The following ANKRD17 variants were observed in gnomAD, a reference collection of about 807,000 sequenced individuals.
ANKRD17 encodes ankyrin repeat domain 17.
ANKRD17 carries 19 observed loss-of-function variants against 229.7 expected under a neutral mutation model. That is an observed-to-expected ratio of 0.08 (90% confidence interval 0.06 to 0.12). ANKRD17 has a LOEUF of 0.12. ANKRD17 is among the 10% of genes least tolerant of loss of function. The probability of loss-of-function intolerance (pLI) is 1.00; values close to 1 mark genes in which losing one functional copy is unlikely to be tolerated. For missense variants in ANKRD17, 2,176 were observed against 3,176.8 expected (o/e 0.68, Z 7.57); for synonymous variants, 1,112 against 1,146.1 (o/e 0.97, Z 0.60).
chr4:73,145,804 G>A (rs933940924), intron 10 of ANKRD17, among the ~76,000 whole-genome samples: 4 of 151,998 alleles, frequency 2.6e-5, no homozygotes, highest in African/African-American at 7.2e-5. Flanking sequence ...AACACTAAGT[G>A]GCCCCAGCAA....
At chr4:73,158,152 A>AAGAAAG (rs1553925348) in intron 3 of ANKRD17, among the ~76,000 whole-genome samples, 74 of 128,782 alleles carry the variant, frequency 5.7e-4, no homozygotes, top group African/African-American at 2.0e-3. Flanking sequence ...GAAAGGAAGA[A>AAGAAAG]AAAGAAAGAA....
At chr4:73,155,053 A>AG (rs1327867575) in intron 5 of ANKRD17, among the ~76,000 whole-genome samples, 1 of 151,826 alleles carries the variant, frequency 6.6e-6, no homozygotes, top group East Asian at 1.9e-4. Context: ...AAAAAAAAAA[A>AG]AAAAATTTAA....
intron 28 of ANKRD17, 146 bp from the exon 29 acceptor site, chr4:73,092,446 A>C: frequency 1.5e-6 from 1 of 667,854 alleles, no homozygotes; most frequent in Non-Finnish European, 2.5e-6. Flanking sequence ...CAGATAACAA[A>C]AGCTGGGCAG....
At chr4:73,115,726 CA>C in intron 23 of ANKRD17, 94 bp downstream of exon 23, 1 of 887,492 alleles carries the variant, frequency 1.1e-6, no homozygotes, top group Non-Finnish European at 1.8e-6. Context: ...AAAATGGCTA[CA>C]TATTACACTT....
chr4:73,100,139 G>A (rs770167441), intron 25 of ANKRD17, among the ~76,000 whole-genome samples: 7 of 152,076 alleles, frequency 4.6e-5, no homozygotes, highest in Admixed American at 2.6e-4. Flanking sequence ...TCCATTCTTC[G>A]ACATCCGTTA....
chr4:73,258,179 C>T lies in ANKRD17; in HGVS notation c.393+97G>A. The T allele has an allele frequency of 2.5e-6, 4 of 1,574,862 alleles. No homozygotes were observed. The South Asian group carries it at 4.6e-5, about 18-fold the overall frequency. ...GAAAGCCTGGCCCCTAAGAGATCAACCCACTGGAATCTGTCCCACTCCAAA... is the reference window on the plus strand; with the variant it reads ...GAAAGCCTGGCCCCTAAGAGATCAATCCACTGGAATCTGTCCCACTCCAAA... On this transcript the variant is annotated intron_variant, in intron 1 of 33. Coordinates refer to ENST00000358602, the MANE Select transcript of ANKRD17 (RefSeq NM_032217.5).
chr4:73,114,492 A>C (rs72861834), intron 23 of ANKRD17, among the ~76,000 whole-genome samples: 1 of 152,158 alleles, frequency 6.6e-6, no homozygotes, highest in African/African-American at 2.4e-5. Context: ...CATGTTGCCC[A>C]GGCTTAAATG....
At chr4:73,222,834 T>G (rs1742036803) in intron 1 of ANKRD17, 1 of 677,184 alleles carries the variant, frequency 1.5e-6, no homozygotes, top group African/African-American at 1.8e-5. Context: ...TCACACGGAA[T>G]AGGTCTGACC....
chr4:73,250,271 GATCA>G (rs1212217509), intron 1 of ANKRD17, among the ~76,000 whole-genome samples: 1 of 151,914 alleles, frequency 6.6e-6, no homozygotes, highest in Non-Finnish European at 1.5e-5. Flanking sequence ...AATTCACTAT[GATCA>G]GCAAGCTTTG....
chr4:73,096,142 G>A (rs1034578056), intron 27 of ANKRD17, among the ~76,000 whole-genome samples: 3 of 152,166 alleles, frequency 2.0e-5, no homozygotes, highest in Admixed American at 2.0e-4. Flanking sequence ...TTTCTAAAAG[G>A]AAGGGCATGA....
At chr4:73,214,620 T>A (rs1188428250) in intron 1 of ANKRD17, among the ~76,000 whole-genome samples, 1 of 151,556 alleles carries the variant, frequency 6.6e-6, no homozygotes, top group African/African-American at 2.4e-5. Flanking sequence ...CTTCTCTGCA[T>A]GCACTCACAA....
At chr4:73,119,259 A>G (rs1006578161) in intron 21 of ANKRD17, among the ~76,000 whole-genome samples, 2 of 152,238 alleles carry the variant, frequency 1.3e-5, no homozygotes, top group Non-Finnish European at 2.9e-5. Flanking sequence ...TATTCTGTAA[A>G]GATAAAAATT....
intron 1 of ANKRD17, among the ~76,000 whole-genome samples, chr4:73,232,626 TCAGA>T (rs927076328): frequency 2.0e-5 from 3 of 152,314 alleles, no homozygotes; most frequent in African/African-American, 7.2e-5. Context: ...TATTTGTACC[TCAGA>T]CAATTTCCGA....
intron 1 of ANKRD17, among the ~76,000 whole-genome samples, chr4:73,230,389 GT>G (rs1169021245): frequency 2.6e-5 from 4 of 151,538 alleles, no homozygotes; most frequent in African/African-American, 9.7e-5. Context: ...CAATTGTTTT[GT>G]AAGATCATCA....
In ANKRD17 at chr4:73,191,883, G is replaced by A. The variant is rs1578339213; in HGVS notation, c.394-14350C>T. On this transcript the variant is annotated intron_variant, in intron 1 of 33. Coordinates refer to ENST00000358602, the MANE Select transcript of ANKRD17 (RefSeq NM_032217.5). The stretch of plus-strand genomic sequence containing the variant: ...ATACAATTTTCTTTCTAGAAATTTA[G>A]TATAAAAATACTTGCACATGTAAGC... 2.0e-5 allele frequency among the ~76,000 whole-genome samples: 3 copies of A among 152,000 alleles called. No homozygotes were observed. The South Asian group carries it at 6.2e-4, about 31-fold the overall frequency.
At chr4:73,233,625 C>A (rs918414198) in intron 1 of ANKRD17, among the ~76,000 whole-genome samples, 1 of 152,160 alleles carries the variant, frequency 6.6e-6, no homozygotes, top group African/African-American at 2.4e-5. Context: ...CCCATCCCCC[C>A]ACTACCACCA....
intron 1 of ANKRD17, chr4:73,223,054 C>T: frequency 6.5e-7 from 1 of 1,535,780 alleles, no homozygotes; most frequent in Non-Finnish European, 8.7e-7. Context: ...ATGTTTCTTA[C>T]TGCACTATGA....
intron 18 of ANKRD17, among the ~76,000 whole-genome samples, chr4:73,121,995 T>C (rs1726801006): frequency 6.6e-6 from 1 of 152,152 alleles, no homozygotes; most frequent in African/African-American, 2.4e-5. Flanking sequence ...AATGTGTTCA[T>C]GAAAGGTCTG....
chr4:73,124,023 C>T (rs57944282), intron 18 of ANKRD17, among the ~76,000 whole-genome samples: 1 of 151,462 alleles, frequency 6.6e-6, no homozygotes, highest in Non-Finnish European at 1.5e-5. Flanking sequence ...AAAAAAAAAT[C>T]TGAAGATAGA....
Sources: gnomAD v4.1 joint callset for allele counts (sites outside exome capture counted in the v4.1 genomes callset) on GRCh38, gnomAD v4.1.1 for gene constraint, MANE v1.5 for transcripts, NCBI Gene and HGNC (gene_info 2026-07-23, HGNC 2026-07-21) for gene names.